Variants in STX8 observed in about 807,000 individuals in gnomAD.
The protein encoded by STX8 is syntaxin 8.
A neutral mutation model predicts 37.5 loss-of-function variants in STX8; 23 were observed. The ratio of observed to expected loss-of-function variants is 0.61; its 90% CI spans 0.44 to 0.87. The LOEUF is 0.87. Among genes scored for constraint, STX8 ranks in the 40% least tolerant of loss-of-function variants. The probability of loss-of-function intolerance (pLI) is 0.00; values close to 1 mark genes in which losing one functional copy is unlikely to be tolerated. For missense variants in STX8, 313 were observed against 284.7 expected, an observed-to-expected ratio of 1.10 and a Z score of -0.71; for synonymous variants, 115 against 99.1, an observed-to-expected ratio of 1.16 and a Z score of -0.95.
At chr17:9,547,032 A>G (rs62066233) in intron 3 of STX8, among the ~76,000 whole-genome samples, 150,940 of 151,446 alleles carry the variant, frequency 1, 75,217 homozygotes, top group Middle Eastern at 1. Context: ...GGCGGATCAC[A>G]AGGTCAAGAG....
chr17:9,426,913 CTT>C (rs1913652183), intron 6 of STX8, among the ~76,000 whole-genome samples: 1 of 151,984 alleles, frequency 6.6e-6, no homozygotes, highest in Non-Finnish European at 1.5e-5. Flanking sequence ...CTAGATATAA[CTT>C]ATATTACCTA....
chr17:9,260,831 C>T (rs1228094085), intron 7 of STX8, among the ~76,000 whole-genome samples: 1 of 152,206 alleles, frequency 6.6e-6, no homozygotes, highest in Non-Finnish European at 1.5e-5. Context: ...GAATTCACTC[C>T]CAGCCTGAGC....
chr17:9,304,975 T>G (rs1908923604), intron 7 of STX8, among the ~76,000 whole-genome samples: 2 of 151,756 alleles, frequency 1.3e-5, no homozygotes, highest in African/African-American at 4.8e-5. Context: ...TGGTTTGGCT[T>G]AACGACTTTT....
At chr17:9,535,123 T>A in intron 4 of STX8, among the ~76,000 whole-genome samples, 1 of 152,128 alleles carries the variant, frequency 6.6e-6, no homozygotes, top group Non-Finnish European at 1.5e-5. Context: ...TTAACAGTTA[T>A]AAAACCACAG....
intron 7 of STX8, among the ~76,000 whole-genome samples, chr17:9,372,079 C>G (rs912709504): frequency 6.6e-6 from 1 of 152,114 alleles, no homozygotes; most frequent in Non-Finnish European, 1.5e-5. Context: ...CCAGGCACCT[C>G]GAGCTATAAC....
At chr17:9,340,736 C>T (rs1248540915) in intron 7 of STX8, among the ~76,000 whole-genome samples, 1 of 144,040 alleles carries the variant, frequency 6.9e-6, no homozygotes, top group African/African-American at 2.6e-5. Flanking sequence ...GGGCTGACCG[C>T]AACCTCTGCC....
intron 6 of STX8, among the ~76,000 whole-genome samples, chr17:9,483,634 T>C (rs1440732406): frequency 2.0e-5 from 3 of 152,226 alleles, no homozygotes; most frequent in African/African-American, 7.2e-5. Context: ...GTGAAATCTT[T>C]ATCTGATCCT....
intron 6 of STX8, 46 bp from the exon 7 acceptor site, chr17:9,378,699 T>C (rs1911688156): frequency 7.1e-7 from 1 of 1,406,146 alleles, no homozygotes; most frequent in African/African-American, 1.4e-5. Context: ...ATACCCCGGT[T>C]CACATCACAG....
rs547961890 is a variant in STX8 at position 9,276,879 on chromosome 17, G to A, written c.644-26234C>T. Among the ~76,000 whole-genome samples, 11 of 151,718 alleles carry A rather than the reference G, an allele frequency of 7.3e-5. No individual in the cohort carries two copies. The South Asian group carries it at 1.5e-3, about 20-fold the overall frequency. On this transcript the variant is annotated intron_variant, in intron 7 of 7. Transcript: ENST00000306357. ...TCTCGAACTCCTGATCTCGTGATCC[G>A]CCCGCCTCGGCCTCCCAAAGTGCTG...
At chr17:9,295,122 C>G (rs1271600286) in intron 7 of STX8, among the ~76,000 whole-genome samples, 1 of 152,194 alleles carries the variant, frequency 6.6e-6, no homozygotes, top group African/African-American at 2.4e-5. Context: ...CCTTGTTGGC[C>G]CTGCCACCTC....
At chr17:9,256,647 C>T (rs1430982850) in intron 7 of STX8, among the ~76,000 whole-genome samples, 2 of 152,172 alleles carry the variant, frequency 1.3e-5, no homozygotes, top group Non-Finnish European at 2.9e-5. Context: ...TAAAAAGACA[C>T]ACACACTCCC....
Position 9,545,246 on chromosome 17 carries a change from C to T in STX8, c.249G>A (p.Leu83=). 1 of 1,614,092 alleles carries T rather than the reference C, an allele frequency of 6.2e-7. No homozygotes were observed. Among genetic ancestry groups the T allele is most frequent in the Non-Finnish European group, 8.5e-7 (1 of 1,180,004 alleles). Residue 83 remains leucine, a synonymous_variant, in exon 4 of 8, where the codon TTG becomes TTA. Transcript: ENST00000306357. ...QLEGDRRQNL[L]DDLVTRERLL... ...GTCTCTCTCGAGTTACAAGATCATCCAAGAGGTTCTGTCTTCGGTCCCCTT... is the reference window on the plus strand; with the variant it reads ...GTCTCTCTCGAGTTACAAGATCATCTAAGAGGTTCTGTCTTCGGTCCCCTT...
At chr17:9,454,514 T>TA (rs372730598) in intron 6 of STX8, among the ~76,000 whole-genome samples, 6,192 of 151,710 alleles carry the variant, frequency 0.041, 361 homozygotes, top group African/African-American at 0.12. Flanking sequence ...CCATCTCTAC[T>TA]AAAAAAATAC....
At chr17:9,458,398 C>G (rs930780263) in intron 6 of STX8, among the ~76,000 whole-genome samples, 1 of 151,312 alleles carries the variant, frequency 6.6e-6, no homozygotes. Context: ...ATCCGCCCGC[C>G]TTGGCCTCCC....
chr17:9,351,140 T>C (rs1910692925), intron 7 of STX8, among the ~76,000 whole-genome samples: 1 of 151,650 alleles, frequency 6.6e-6, no homozygotes, highest in South Asian at 2.1e-4. Flanking sequence ...TGTGGTTATA[T>C]GTAATAATGT....
intron 5 of STX8, among the ~76,000 whole-genome samples, chr17:9,501,459 G>A (rs1242461580): frequency 6.6e-6 from 1 of 152,140 alleles, no homozygotes; most frequent in African/African-American, 2.4e-5. Context: ...GGGAGGCCGA[G>A]GTGGGTGGGT....
chr17:9,427,884 G>A (rs1301349100), intron 6 of STX8, among the ~76,000 whole-genome samples: 4 of 152,264 alleles, frequency 2.6e-5, no homozygotes, highest in Admixed American at 2.0e-4. Context: ...TTCCTTTCTT[G>A]CTGAAGGCTG....
chr17:9,301,056 T>G (rs1908761177), intron 7 of STX8, among the ~76,000 whole-genome samples: 1 of 151,994 alleles, frequency 6.6e-6, no homozygotes, highest in Non-Finnish European at 1.5e-5. Context: ...ATGGTCTTGA[T>G]CTCCTGACCT....
intron 3 of STX8, among the ~76,000 whole-genome samples, chr17:9,546,278 C>T (rs964607074): frequency 1.3e-5 from 2 of 152,084 alleles, no homozygotes; most frequent in African/African-American, 4.8e-5. Flanking sequence ...CCCTATTCCA[C>T]TATCTATGCT....
Sources: allele counts gnomAD v4.1 joint callset (sites outside exome capture counted in the v4.1 genomes callset), GRCh38; gene constraint gnomAD v4.1.1; transcripts MANE v1.5; gene names NCBI Gene and HGNC (gene_info 2026-07-23, HGNC 2026-07-21).